Variants in MAML3 observed in about 807,000 individuals in gnomAD.
MAML3 encodes the protein mastermind like transcriptional coactivator 3.
Under a neutral mutation model 101.9 loss-of-function variants are expected in MAML3, and 27 were observed. The ratio of observed to expected loss-of-function variants is 0.27; its 90% CI spans 0.20 to 0.37. The LOEUF (loss-of-function observed/expected upper bound fraction) is 0.37, where lower values mean the gene tolerates loss of function less well. Ranked by LOEUF, MAML3 falls within the 10% of genes least tolerant of loss-of-function variation. MAML3 has a pLI of 1.00. For synonymous variants in MAML3, 501 were observed against 555.9 expected (o/e 0.90, Z 1.39); for missense variants, 1,316 against 1,444.9 (o/e 0.91, Z 1.45).
intron 2 of MAML3, among the ~76,000 whole-genome samples, chr4:139,844,487 C>T (rs1167729836): frequency 6.6e-6 from 1 of 152,216 alleles, no homozygotes; most frequent in Non-Finnish European, 1.5e-5. Context: ...CATCCTACTT[C>T]ACCAAGAGTG....
chr4:139,971,048 A>G (rs1734226793), intron 1 of MAML3, among the ~76,000 whole-genome samples: 1 of 152,202 alleles, frequency 6.6e-6, no homozygotes, highest in Admixed American at 6.5e-5. Flanking sequence ...ATATGTGTCT[A>G]TGTATTAAGG....
chr4:139,884,842 C>A (rs1050751357), intron 2 of MAML3, among the ~76,000 whole-genome samples: 4 of 152,174 alleles, frequency 2.6e-5, no homozygotes, highest in African/African-American at 9.7e-5. Flanking sequence ...TTGATGATCA[C>A]CATCAAATGA....
chr4:139,844,969 T>C (rs1425768188), intron 2 of MAML3, among the ~76,000 whole-genome samples: 1 of 152,228 alleles, frequency 6.6e-6, no homozygotes, highest in Non-Finnish European at 1.5e-5. Context: ...AGAGACTTTC[T>C]ATTTCTCTTT....
At chr4:140,102,440 GA>G (rs1222429838) in intron 1 of MAML3, among the ~76,000 whole-genome samples, 1 of 152,206 alleles carries the variant, frequency 6.6e-6, no homozygotes, top group Non-Finnish European at 1.5e-5. Flanking sequence ...GGTTTCTCCT[GA>G]GGCCTCTATC....
Position 139,806,189 on chromosome 4 carries a change from A to C in MAML3, c.2080-75522T>G, listed in dbSNP as rs1354039141. ...TAAATTTTTAAACTGTACATTAAAA[A>C]CCCTTAAAAATTAACAAGCAGATTA... is the stretch of plus-strand genomic sequence containing the variant. On this transcript the variant is annotated intron_variant, in intron 2 of 4. Coordinates refer to ENST00000509479, the MANE Select transcript of MAML3 (RefSeq NM_018717.5). 2.0e-5 allele frequency among the ~76,000 whole-genome samples: 3 copies of C among 152,210 alleles called. No homozygotes were observed. The East Asian group carries it at 5.8e-4, about 29-fold the overall frequency.
At chr4:139,875,034 A>AC (rs1417141683) in intron 2 of MAML3, among the ~76,000 whole-genome samples, 8 of 151,942 alleles carry the variant, frequency 5.3e-5, no homozygotes, top group African/African-American at 1.9e-4. Flanking sequence ...CAATCTCCTG[A>AC]CCTCGTGATC....
chr4:139,809,865 TACACAC>T lies in MAML3; in HGVS notation c.2080-79204_2080-79199del, dbSNP rs71584333. ...AGAAATACACATTTATACCTGCACG[TACACAC>T]ACACACACACACACACACACACACA... On this transcript the variant is annotated intron_variant, in intron 2 of 4. Transcript: ENST00000509479. Among the ~76,000 whole-genome samples the T allele has an allele frequency of 6.5e-3, 933 of 143,038 alleles. 8 individuals are homozygous for T. Among genetic ancestry groups the T allele is most frequent in the Non-Finnish European group, 0.01 (665 of 65,340 alleles). The allele number at this position is 143,038 out of a possible 152,430, so 93.8% of individuals were successfully genotyped here. A position where few individuals can be genotyped will look rare whatever the true frequency, so the allele number is the denominator to read the frequency against.
intron 2 of MAML3, among the ~76,000 whole-genome samples, chr4:139,864,820 A>T (rs1731861910): frequency 6.6e-6 from 1 of 151,412 alleles, no homozygotes; most frequent in Non-Finnish European, 1.5e-5. Context: ...ACGCAGAATT[A>T]TAGGACTCTC....
At chr4:139,929,114 C>CAATAG (rs1733327350) in intron 1 of MAML3, among the ~76,000 whole-genome samples, 1 of 152,108 alleles carries the variant, frequency 6.6e-6, no homozygotes, top group South Asian at 2.1e-4. Flanking sequence ...GGAAAGTGTT[C>CAATAG]AATAGCCCCC....
chr4:140,005,264 A>G (rs1726425808), intron 1 of MAML3, among the ~76,000 whole-genome samples: 1 of 152,240 alleles, frequency 6.6e-6, no homozygotes, highest in South Asian at 2.1e-4. Context: ...CCTCCTTGGC[A>G]GAAAGAGAAA....
chr4:139,737,938 C>A (rs1019506335), intron 2 of MAML3, among the ~76,000 whole-genome samples: 6 of 152,172 alleles, frequency 3.9e-5, no homozygotes, highest in Non-Finnish European at 7.3e-5. Context: ...GAGTTTGAGG[C>A]AGAGTTCATC....
intron 2 of MAML3, among the ~76,000 whole-genome samples, chr4:139,804,798 T>G (rs762503931): frequency 3.3e-5 from 5 of 152,216 alleles, no homozygotes; most frequent in Non-Finnish European, 7.3e-5. Context: ...AGAAAAGTTT[T>G]ACTGGGCTAA....
intron 2 of MAML3, among the ~76,000 whole-genome samples, chr4:139,791,475 C>T (rs1730411147): frequency 7.1e-6 from 1 of 141,032 alleles, no homozygotes; most frequent in African/African-American, 2.7e-5. Flanking sequence ...TGCACTCCAG[C>T]CCAGGAGACA....
chr4:140,122,582 G>T (rs933928232), intron 1 of MAML3, among the ~76,000 whole-genome samples: 4 of 151,758 alleles, frequency 2.6e-5, no homozygotes, highest in Non-Finnish European at 5.9e-5. Flanking sequence ...CACGAGGTCA[G>T]GAGATCGAGA....
chr4:139,732,356 G>C (rs1728758891), intron 2 of MAML3, among the ~76,000 whole-genome samples: 1 of 152,064 alleles, frequency 6.6e-6, no homozygotes, highest in African/African-American at 2.4e-5. Context: ...AACCATGCAG[G>C]CTTCCCTCTC....
At chr4:140,091,723 T>C (rs1274722015) in intron 1 of MAML3, among the ~76,000 whole-genome samples, 1 of 152,030 alleles carries the variant, frequency 6.6e-6, no homozygotes, top group Admixed American at 6.6e-5. Flanking sequence ...AGTTCAAGGG[T>C]TTGTTTAGTC....
intron 1 of MAML3, among the ~76,000 whole-genome samples, chr4:140,088,872 G>A (rs1005768089): frequency 2.0e-5 from 3 of 152,116 alleles, no homozygotes; most frequent in Non-Finnish European, 4.4e-5. Flanking sequence ...TATCTTAATT[G>A]TATCTCCCAC....
intron 1 of MAML3, among the ~76,000 whole-genome samples, chr4:140,081,329 T>C (rs537621644): frequency 1.3e-5 from 2 of 152,046 alleles, no homozygotes; most frequent in Admixed American, 6.5e-5. Context: ...CACCCGAAGT[T>C]CCACAAGCAA....
At chr4:140,031,479 CAA>C (rs1273798914) in intron 1 of MAML3, among the ~76,000 whole-genome samples, 5 of 152,112 alleles carry the variant, frequency 3.3e-5, no homozygotes, top group Non-Finnish European at 7.3e-5. Flanking sequence ...GAGGAGACTA[CAA>C]AGTTATTAGA....
Sources: gnomAD v4.1 joint callset for allele counts (sites outside exome capture counted in the v4.1 genomes callset) on GRCh38, gnomAD v4.1.1 for gene constraint, MANE v1.5 for transcripts, NCBI Gene and HGNC (gene_info 2026-07-23, HGNC 2026-07-21) for gene names.